The following MSI2 variants were observed in gnomAD, a reference collection of about 807,000 sequenced individuals.
The protein encoded by MSI2 is musashi RNA binding protein 2.
A neutral mutation model predicts 45.6 loss-of-function variants in MSI2; 17 were observed. The observed-to-expected ratio is 0.37, with a 90% confidence interval of 0.26 to 0.56. The LOEUF is 0.56. MSI2 is among the 20% of genes least tolerant of loss of function. The probability of loss-of-function intolerance (pLI) is 0.77; values close to 1 mark genes in which losing one functional copy is unlikely to be tolerated. For synonymous variants in MSI2, 156 were observed against 158.2 expected, an observed-to-expected ratio of 0.99 and a Z score of 0.11; for missense variants, 293 against 444.2, an observed-to-expected ratio of 0.66 and a Z score of 3.06.
chr17:57,349,445 G>A (rs531038547), intron 5 of MSI2, among the ~76,000 whole-genome samples: 7 of 152,286 alleles, frequency 4.6e-5, no homozygotes, highest in South Asian at 2.1e-4. Context: ...GAGGAGTAAC[G>A]TTTAAATCTT....
chr17:57,305,713 G>A (rs543152077), intron 5 of MSI2, among the ~76,000 whole-genome samples: 14 of 152,226 alleles, frequency 9.2e-5, no homozygotes, highest in South Asian at 2.1e-4. Flanking sequence ...GAATAAAATC[G>A]ACTTAAGGTC....
At chr17:57,343,147 T>C (rs572648723) in intron 5 of MSI2, among the ~76,000 whole-genome samples, 3 of 152,320 alleles carry the variant, frequency 2.0e-5, no homozygotes, top group East Asian at 3.9e-4. Context: ...TTACTTTATC[T>C]TTCTGCACAG....
intron 11 of MSI2, among the ~76,000 whole-genome samples, chr17:57,657,246 C>T (rs866217081): frequency 6.6e-6 from 1 of 152,160 alleles, no homozygotes; most frequent in African/African-American, 2.4e-5. Flanking sequence ...CAGTCTGCCA[C>T]CAAACAGGAT....
intron 8 of MSI2, among the ~76,000 whole-genome samples, chr17:57,606,860 G>T (rs1906642946): frequency 6.6e-6 from 1 of 151,734 alleles, no homozygotes; most frequent in African/African-American, 2.4e-5. Context: ...GGGTTGGGTG[G>T]AGAGTGTGGG....
chr17:57,559,754 C>T (rs1387875297), intron 7 of MSI2, among the ~76,000 whole-genome samples: 1 of 152,278 alleles, frequency 6.6e-6, no homozygotes. Context: ...TTTCCAGCTT[C>T]TGCTCAGAGA....
intron 6 of MSI2, among the ~76,000 whole-genome samples, chr17:57,405,393 C>A (rs1276666720): frequency 6.6e-6 from 1 of 152,086 alleles, no homozygotes; most frequent in Non-Finnish European, 1.5e-5. Context: ...GTCTGTGGAC[C>A]ATAGTTTGCT....
intron 9 of MSI2, among the ~76,000 whole-genome samples, chr17:57,621,218 C>G (rs887293797): frequency 2.0e-5 from 3 of 152,226 alleles, no homozygotes; most frequent in African/African-American, 7.2e-5. Flanking sequence ...AGCACTATGC[C>G]TGCATATTAG....
intron 5 of MSI2, among the ~76,000 whole-genome samples, chr17:57,388,388 G>C (rs984161933): frequency 6.6e-6 from 1 of 152,186 alleles, no homozygotes; most frequent in Non-Finnish European, 1.5e-5. Context: ...AGACCACTGC[G>C]CTCAGGGTGC....
intron 11 of MSI2, among the ~76,000 whole-genome samples, chr17:57,666,080 A>G (rs145493128): frequency 4.4e-4 from 67 of 152,246 alleles, no homozygotes; most frequent in African/African-American, 1.5e-3. Flanking sequence ...AGGAGCTTCT[A>G]CTCCAAGGCT....
At chr17:57,665,659 G>C (rs1260514476) in intron 11 of MSI2, among the ~76,000 whole-genome samples, 1 of 152,106 alleles carries the variant, frequency 6.6e-6, no homozygotes, top group Non-Finnish European at 1.5e-5. Context: ...ATATGATTGG[G>C]CAGTAAATAC....
At chr17:57,314,715 G>C (rs961172342) in intron 5 of MSI2, among the ~76,000 whole-genome samples, 5 of 151,876 alleles carry the variant, frequency 3.3e-5, no homozygotes, top group African/African-American at 1.2e-4. Context: ...GGGATTACAG[G>C]CACGTGCCAC....
intron 6 of MSI2, among the ~76,000 whole-genome samples, chr17:57,425,696 T>A (rs757656695): frequency 6.6e-6 from 1 of 152,262 alleles, no homozygotes; most frequent in Non-Finnish European, 1.5e-5. Context: ...TTATAGCCAG[T>A]TCTGGCAGGA....
At chr17:57,697,025 AG>A in the MSI2 span, among the ~76,000 whole-genome samples, 2 of 152,142 alleles carry the variant, frequency 1.3e-5, no homozygotes, top group African/African-American at 4.8e-5. Context: ...ACTGTAAGCC[AG>A]GGAGGGGGTG....
intron 7 of MSI2, among the ~76,000 whole-genome samples, chr17:57,570,509 C>T (rs2087849718): frequency 1.3e-5 from 2 of 152,098 alleles, no homozygotes; most frequent in South Asian, 4.2e-4. Context: ...GGGTCTCTTC[C>T]AGCAGGTAAA....
At chr17:57,420,790 T>G (rs1458245173) in intron 6 of MSI2, among the ~76,000 whole-genome samples, 1 of 152,220 alleles carries the variant, frequency 6.6e-6, no homozygotes, top group Non-Finnish European at 1.5e-5. Context: ...AGGAGCTTAA[T>G]TTCCTCAACA....
rs142681797 is a variant in MSI2, at chr17:57,576,958, C to A, written c.455-19910C>A. Among the ~76,000 whole-genome samples the A allele has an allele frequency of 6.3e-4, 96 of 152,196 alleles. No individual in the cohort carries two copies. The East Asian group carries it at 0.016, about 26-fold the overall frequency. ...GGAAGTCCAGTCCGGTATTTGGTTG[C>A]ACTGCTCAGACCCCATGTGGAATAT... On this transcript the variant is annotated intron_variant, in intron 7 of 13. Transcript: ENST00000284073.
In MSI2 at chr17:57,303,898, C is replaced by T. The variant is rs1346856452; in HGVS notation, c.312+41706C>T. 1.1e-4 allele frequency among the ~76,000 whole-genome samples: 16 copies of T among 152,170 alleles called. 1 individual carries two copies. The highest frequency in any genetic ancestry group is 1.0e-3 in the Admixed American group (16 of 15,272). On this transcript the variant is annotated intron_variant, in intron 5 of 13. Coordinates refer to ENST00000284073, the MANE Select transcript of MSI2 (RefSeq NM_138962.4). ...AAACAGTACAGGCTCTTCCTGGGGT[C>T]TTTCAGGAGGATTTCTCAGAAGAGG... is the stretch of plus-strand genomic sequence containing the variant.
Position 57,376,922 on chromosome 17 carries a change from CT to C in MSI2, c.313-24441del, listed in dbSNP as rs1209135893. Among the ~76,000 whole-genome samples the C allele has an allele frequency of 4.4e-3, 549 of 123,942 alleles. 1 individual carries two copies. Among genetic ancestry groups the C allele is most frequent in the African/African-American group, 6.7e-3 (229 of 34,390 alleles). The allele number at this position is 123,942 out of a possible 152,430, so 81.3% of individuals were successfully genotyped here. A position where few individuals can be genotyped will look rare whatever the true frequency, so the allele number is the denominator to read the frequency against. On this transcript the variant is annotated intron_variant, in intron 5 of 13. Coordinates refer to ENST00000284073, the MANE Select transcript of MSI2 (RefSeq NM_138962.4). ...GGGTGTCACGTTGACCTGCAAGTGC[CT>C]TTTTTTTTTTTTTTTGAGACGGAGT...
chr17:57,587,423 C>T (rs1012183581), intron 7 of MSI2, among the ~76,000 whole-genome samples: 2 of 152,172 alleles, frequency 1.3e-5, no homozygotes, highest in Non-Finnish European at 2.9e-5. Context: ...TGGCAAATGC[C>T]GCCAACGTAG....
Sources: gnomAD v4.1 joint callset for allele counts (sites outside exome capture counted in the v4.1 genomes callset) on GRCh38, gnomAD v4.1.1 for gene constraint, MANE v1.5 for transcripts, NCBI Gene and HGNC (gene_info 2026-07-23, HGNC 2026-07-21) for gene names.